PRELID2: variants seen among roughly 807,000 people sequenced by gnomAD.
The protein encoded by PRELID2 is PRELI domain-containing protein 2.
PRELID2 carries 25 observed loss-of-function variants against 28.4 expected under a neutral mutation model. The observed-to-expected ratio is 0.88, with a 90% CI of 0.64 to 1.23. The LOEUF (loss-of-function observed/expected upper bound fraction) is 1.23. Ranked by LOEUF, PRELID2 falls within the 50% of genes most tolerant of loss-of-function variation. The pLI, the probability that PRELID2 is intolerant of heterozygous loss-of-function variation, is 0.00. For synonymous variants in PRELID2, 76 were observed against 71.6 expected, an observed-to-expected ratio of 1.06 and a Z score of -0.31; for missense variants, 201 against 214.4, an observed-to-expected ratio of 0.94 and a Z score of 0.39.
At chr5:145,740,290 AT>A (rs1561566139) in intron 1 of PRELID2, among the ~76,000 whole-genome samples, 1 of 85,790 alleles carries the variant, frequency 1.2e-5, no homozygotes, top group African/African-American at 4.8e-5. Context: ...ATATATATAT[AT>A]ATATATATAT....
chr5:145,571,262 A>G (rs920814363), intron 1 of PRELID2, among the ~76,000 whole-genome samples: 1 of 152,196 alleles, frequency 6.6e-6, no homozygotes, highest in African/African-American at 2.4e-5. Flanking sequence ...AACTGTCAGA[A>G]TGGGCACTTC....
chr5:145,256,266 G>C, the PRELID2 span, among the ~76,000 whole-genome samples: 1 of 151,886 alleles, frequency 6.6e-6, no homozygotes, highest in Non-Finnish European at 1.5e-5. Flanking sequence ...CAGTAACACT[G>C]ACTCTTCTGC....
chr5:145,363,625 T>G, the PRELID2 span, among the ~76,000 whole-genome samples: 65 of 152,182 alleles, frequency 4.3e-4, no homozygotes, highest in Non-Finnish European at 6.2e-4. Flanking sequence ...GAGAAAATTC[T>G]TAATAGCCAT....
chr5:145,564,414 C>T (rs1166346133), intron 1 of PRELID2, among the ~76,000 whole-genome samples: 1 of 152,182 alleles, frequency 6.6e-6, no homozygotes, highest in Non-Finnish European at 1.5e-5. Flanking sequence ...GTCCCTCACT[C>T]TTGTCCCACT....
chr5:145,622,154 G>GT (rs1753782344), intron 1 of PRELID2, among the ~76,000 whole-genome samples: 1 of 152,128 alleles, frequency 6.6e-6, no homozygotes, highest in African/African-American at 2.4e-5. Flanking sequence ...ATTTGCCATT[G>GT]TCTAGGGCTG....
intron 1 of PRELID2, among the ~76,000 whole-genome samples, chr5:145,554,491 T>C (rs1752863936): frequency 6.6e-6 from 1 of 152,182 alleles, no homozygotes; most frequent in East Asian, 1.9e-4. Flanking sequence ...CAGACTGCAG[T>C]GGCTAATGGC....
chr5:145,477,556 C>T (rs1752114356), intron 1 of PRELID2, among the ~76,000 whole-genome samples: 1 of 152,096 alleles, frequency 6.6e-6, no homozygotes, highest in South Asian at 2.1e-4. Flanking sequence ...ACACACCTCT[C>T]CCTGGACTTG....
chr5:145,380,547 C>G, the PRELID2 span, among the ~76,000 whole-genome samples: 1 of 152,210 alleles, frequency 6.6e-6, no homozygotes, highest in Non-Finnish European at 1.5e-5. Flanking sequence ...AGTTTCCACT[C>G]TAAATCAGCA....
chr5:145,790,721 G>GTGTGTGTGTGTGTGTGTATA (rs772901344), intron 5 of PRELID2, among the ~76,000 whole-genome samples: 6 of 110,906 alleles, frequency 5.4e-5, no homozygotes, highest in Admixed American at 1.0e-4. Flanking sequence ...GTGTGTGTGT[G>GTGTGTGTGTGTGTGTGTATA]TATATATATA....
At chr5:145,599,740 G>A (rs557723234) in intron 1 of PRELID2, among the ~76,000 whole-genome samples, 18 of 152,208 alleles carry the variant, frequency 1.2e-4, no homozygotes, top group African/African-American at 4.3e-4. Flanking sequence ...TTTCAGATAA[G>A]ATCCCTGAAA....
intron 1 of PRELID2, among the ~76,000 whole-genome samples, chr5:145,623,460 A>T (rs917370552): frequency 2.0e-5 from 3 of 151,894 alleles, no homozygotes; most frequent in Non-Finnish European, 4.4e-5. Context: ...AAAAAAATAA[A>T]TAAATAAATA....
the PRELID2 span, among the ~76,000 whole-genome samples, chr5:145,367,313 T>C: frequency 5.9e-5 from 9 of 151,926 alleles, no homozygotes; most frequent in African/African-American, 1.9e-4. Context: ...TTAGACCAGT[T>C]TTCAGTTCAC....
chr5:145,413,700 C>T, the PRELID2 span, among the ~76,000 whole-genome samples: 1 of 151,814 alleles, frequency 6.6e-6, no homozygotes, highest in Non-Finnish European at 1.5e-5. Flanking sequence ...ACTCATCCCC[C>T]ACCCCCTTCC....
the PRELID2 span, among the ~76,000 whole-genome samples, chr5:145,354,147 G>C: frequency 6.6e-6 from 1 of 151,804 alleles, no homozygotes; most frequent in Admixed American, 6.6e-5. Context: ...GTTGCTAAGA[G>C]GCTGTAATTA....
At chr5:145,287,234 C>A in the PRELID2 span, among the ~76,000 whole-genome samples, 1 of 151,964 alleles carries the variant, frequency 6.6e-6, no homozygotes, top group African/African-American at 2.4e-5. Flanking sequence ...GTATACATAG[C>A]TATGATAAAG....
the PRELID2 span, among the ~76,000 whole-genome samples, chr5:145,365,760 G>C: frequency 6.6e-6 from 1 of 151,808 alleles, no homozygotes; most frequent in Non-Finnish European, 1.5e-5. Flanking sequence ...CAGTGTTTGG[G>C]TCTTAACAAG....
the PRELID2 span, among the ~76,000 whole-genome samples, chr5:145,233,160 T>A: frequency 6.6e-6 from 1 of 152,114 alleles, no homozygotes; most frequent in African/African-American, 2.4e-5. Context: ...GGTCTGCCAA[T>A]TTACCCATGA....
intron 1 of PRELID2, among the ~76,000 whole-genome samples, chr5:145,528,441 C>T (rs564869053): frequency 1.3e-5 from 2 of 152,068 alleles, no homozygotes; most frequent in Non-Finnish European, 2.9e-5. Flanking sequence ...TATAAAGGAG[C>T]TGTTCACCCA....
intron 1 of PRELID2, among the ~76,000 whole-genome samples, chr5:145,523,072 T>C (rs931302977): frequency 6.6e-6 from 1 of 152,156 alleles, no homozygotes; most frequent in Non-Finnish European, 1.5e-5. Flanking sequence ...TATTAAGACA[T>C]GGATCCTTGT....
Sources: allele counts gnomAD v4.1 joint callset (sites outside exome capture counted in the v4.1 genomes callset), GRCh38; gene constraint gnomAD v4.1.1; transcripts MANE v1.5; gene names NCBI Gene and HGNC (gene_info 2026-07-23, HGNC 2026-07-21).